FARP1: variants seen among roughly 807,000 people sequenced by gnomAD.
The protein encoded by FARP1 is FERM, ARHGEF and pleckstrin domain-containing protein 1.
Under a neutral mutation model 128.8 loss-of-function variants are expected in FARP1, and 52 were observed. The ratio of observed to expected loss-of-function variants is 0.40; its 90% CI spans 0.32 to 0.51. FARP1 has a LOEUF of 0.51. Ranked by LOEUF, FARP1 falls within the 20% of genes least tolerant of loss-of-function variation. The pLI, the probability that FARP1 is intolerant of heterozygous loss-of-function variation, is 0.45. For missense variants in FARP1, 1,333 were observed against 1,367.9 expected (o/e 0.97, Z 0.40); for synonymous variants, 580 against 551.8 (o/e 1.05, Z -0.72).
chr13:98,380,589 T>A (rs1034557507), intron 6 of FARP1, among the ~76,000 whole-genome samples: 15 of 150,566 alleles, frequency 1.0e-4, no homozygotes, highest in African/African-American at 3.6e-4. Flanking sequence ...CCCCCCAAAA[T>A]TTTTTTTTTA....
chr13:98,345,557 A>G (rs1238366963), intron 3 of FARP1: 2 of 152,120 alleles, frequency 1.3e-5, no homozygotes, highest in African/African-American at 2.4e-5. Context: ...TTCTTACACT[A>G]TTGTTTAGGA....
chr13:98,415,154 C>T (rs1891328248), intron 16 of FARP1, among the ~76,000 whole-genome samples: 1 of 152,184 alleles, frequency 6.6e-6, no homozygotes, highest in Non-Finnish European at 1.5e-5. Context: ...CTGGCGGTGC[C>T]TCAGGGTCAC....
At chr13:98,191,815 T>C (rs1409517735) in intron 1 of FARP1, among the ~76,000 whole-genome samples, 9 of 152,174 alleles carry the variant, frequency 5.9e-5, no homozygotes, top group Non-Finnish European at 1.5e-5. Flanking sequence ...TGGTGGCGCA[T>C]GCCTGTAATC....
At chr13:98,255,940 A>G (rs1594326971) in intron 2 of FARP1, among the ~76,000 whole-genome samples, 1 of 152,322 alleles carries the variant, frequency 6.6e-6, no homozygotes, top group South Asian at 2.1e-4. Context: ...CCCAGCCCCC[A>G]AATCCAGAAC....
At chr13:98,237,547 G>A (rs1470307951) in intron 2 of FARP1, among the ~76,000 whole-genome samples, 6 of 152,196 alleles carry the variant, frequency 3.9e-5, no homozygotes, top group Non-Finnish European at 7.3e-5. Flanking sequence ...TCTCCGTCAT[G>A]AGCGGTTCAT....
intron 3 of FARP1, among the ~76,000 whole-genome samples, chr13:98,349,778 T>C (rs17568378): frequency 0.15 from 23,417 of 151,400 alleles, 2,368 homozygotes; most frequent in South Asian, 0.26. Context: ...AGGAAGAAGA[T>C]TGGCACCTTG....
In FARP1 at chr13:98,374,095, T is replaced by C. The variant is rs1353601460; in HGVS notation, c.399-3726T>C. ...CATTGGCCATATTCACATTTCCCTA[T>C]TTATCCCCTAACTGTCCTTTGTATC... On this transcript the variant is annotated intron_variant, in intron 5 of 26. Coordinates refer to ENST00000319562, the MANE Select transcript of FARP1 (RefSeq NM_005766.4). Among the ~76,000 whole-genome samples, 3 of 152,194 alleles carry C rather than the reference T, an allele frequency of 2.0e-5. No homozygotes were observed. The East Asian group carries it at 5.8e-4, about 29-fold the overall frequency.
chr13:98,167,441 ACT>A (rs1877348067), intron 1 of FARP1, among the ~76,000 whole-genome samples: 1 of 134,506 alleles, frequency 7.4e-6, no homozygotes, highest in East Asian at 2.1e-4. Flanking sequence ...TCTCACTCTC[ACT>A]CTGTCACCCA....
intron 2 of FARP1, among the ~76,000 whole-genome samples, chr13:98,282,079 C>T (rs551492759): frequency 6.6e-6 from 1 of 151,984 alleles, no homozygotes; most frequent in Non-Finnish European, 1.5e-5. Flanking sequence ...CCTAGGTGGG[C>T]GGATCACTTG....
At chr13:98,168,167 A>G (rs1301914614) in intron 1 of FARP1, among the ~76,000 whole-genome samples, 2 of 133,088 alleles carry the variant, frequency 1.5e-5, no homozygotes, top group East Asian at 4.2e-4. Context: ...GTGAGACTCC[A>G]TCTCAAAAAA....
chr13:98,396,208 A>G (rs192869545), intron 13 of FARP1: 19 of 399,014 alleles, frequency 4.8e-5, no homozygotes, highest in Non-Finnish European at 7.5e-5. Flanking sequence ...CACACCCCCC[A>G]TGGGTGCAGC....
At chr13:98,210,393 T>C (rs1388052293) in intron 1 of FARP1, among the ~76,000 whole-genome samples, 4 of 152,120 alleles carry the variant, frequency 2.6e-5, no homozygotes, top group African/African-American at 9.7e-5. Context: ...AGACCCAGCC[T>C]GGACAGGACA....
At chr13:98,277,137 CACACACACACA>C (rs1566824181) in intron 2 of FARP1, among the ~76,000 whole-genome samples, 2 of 149,506 alleles carry the variant, frequency 1.3e-5, no homozygotes, top group Non-Finnish European at 3.0e-5. Flanking sequence ...CACACACACA[CACACACACACA>C]CCCCATATGT....
At position 98,409,414 on chromosome 13, in the gene FARP1, C is replaced by T. The variant is rs764228906; in HGVS notation, c.1491C>T (p.Thr497=). 2 of 1,613,982 alleles carry T rather than the reference C, an allele frequency of 1.2e-6. No homozygotes were observed. Among genetic ancestry groups the T allele is most frequent in the East Asian group, 2.2e-5 (1 of 44,886 alleles). ...SQGGVAPANV[T]LSPNLSPDTK... is the part of the protein sequence containing the mutation. ...GGGGAGTGGCCCCTGCCAACGTGAC[C>T]TTGTCTCCCAACCTGAGCCCCGACA... The change falls in exon 14 of 27, where the codon ACC becomes ACT. Residue 497 remains threonine, a synonymous_variant. Transcript: ENST00000319562.
At chr13:98,237,480 CCTGTTG>C (rs1440643782) in intron 2 of FARP1, among the ~76,000 whole-genome samples, 1 of 152,206 alleles carries the variant, frequency 6.6e-6, no homozygotes, top group Non-Finnish European at 1.5e-5. Flanking sequence ...ATAGCCACTT[CCTGTTG>C]CTGTTGCAGT....
chr13:98,155,176 A>G (rs2139109662), intron 1 of FARP1, among the ~76,000 whole-genome samples: 1 of 152,154 alleles, frequency 6.6e-6, no homozygotes, highest in East Asian at 1.9e-4. Context: ...GAGAAACACC[A>G]TCTCTACTAA....
chr13:98,245,316 C>G lies in FARP1; in HGVS notation c.171+31903C>G, dbSNP rs1169786004. ...CAGATCTACTTTAATACATGTTTGT[C>G]TTACCAGCTTATTGATAAGCACTTT... is the stretch of plus-strand genomic sequence containing the variant. On this transcript the variant is annotated intron_variant, in intron 2 of 26. Transcript: ENST00000319562. 2.1e-4 allele frequency: 202 copies of G among 985,138 alleles called. 1 individual carries two copies. Among genetic ancestry groups the G allele is most frequent in the South Asian group, 1.6e-3 (33 of 21,282 alleles). 61.0% of individuals were successfully genotyped at this position (985,138 alleles called of 1,614,324 possible).
intron 2 of FARP1, among the ~76,000 whole-genome samples, chr13:98,272,684 G>C (rs56096505): frequency 0.018 from 2,704 of 152,260 alleles, 35 homozygotes; most frequent in Non-Finnish European, 0.028. Context: ...AGGATCAAAG[G>C]GGGTGTCAGA....
At chr13:98,210,240 A>AG (rs1343061637) in intron 1 of FARP1, among the ~76,000 whole-genome samples, 2 of 152,072 alleles carry the variant, frequency 1.3e-5, no homozygotes, top group African/African-American at 2.4e-5. Context: ...TTTGTCCAGA[A>AG]GTGCCCCCTG....
Sources: gnomAD v4.1 joint callset for allele counts (sites outside exome capture counted in the v4.1 genomes callset) on GRCh38, gnomAD v4.1.1 for gene constraint, MANE v1.5 for transcripts, NCBI Gene and HGNC (gene_info 2026-07-23, HGNC 2026-07-21) for gene names.